DPYD: variants seen among roughly 807,000 people sequenced by gnomAD.
DPYD encodes the protein dihydropyrimidine dehydrogenase [NADP(+)].
In DPYD, 109 loss-of-function variants were observed where a neutral mutation model predicts 116.2. The observed-to-expected ratio is 0.94, with a 90% CI of 0.80 to 1.10. DPYD has a LOEUF of 1.10. DPYD is among the 50% of genes least tolerant of loss of function. DPYD has a pLI of 0.00. For synonymous variants in DPYD, 440 were observed against 432.0 expected (o/e 1.02, Z -0.23); for missense variants, 1,302 against 1,254.5 (o/e 1.04, Z -0.57).
At chr1:97,458,608 C>T (rs1204709942) in intron 13 of DPYD, among the ~76,000 whole-genome samples, 1 of 152,080 alleles carries the variant, frequency 6.6e-6, no homozygotes, top group Admixed American at 6.5e-5. Context: ...GGACTGAGCA[C>T]GTTGTTAGGT....
intron 20 of DPYD, among the ~76,000 whole-genome samples, chr1:97,139,942 T>C (rs1654091290): frequency 6.6e-6 from 1 of 152,154 alleles, no homozygotes; most frequent in South Asian, 2.1e-4. Context: ...AATGTTCTGT[T>C]TCCGCTACCT....
At chr1:97,497,594 T>C (rs1679342928) in intron 13 of DPYD, among the ~76,000 whole-genome samples, 1 of 151,828 alleles carries the variant, frequency 6.6e-6, no homozygotes, top group Non-Finnish European at 1.5e-5. Context: ...TTTCTACTTA[T>C]CAATAACACT....
intron 3 of DPYD, among the ~76,000 whole-genome samples, chr1:97,794,711 ATATTAT>A (rs766185263): frequency 1.7e-4 from 26 of 152,264 alleles, no homozygotes; most frequent in Non-Finnish European, 3.2e-4. Flanking sequence ...AACTCTTTAC[ATATTAT>A]ACTTTTCGGA....
At chr1:97,237,696 C>G (rs1662049713) in intron 18 of DPYD, among the ~76,000 whole-genome samples, 1 of 152,094 alleles carries the variant, frequency 6.6e-6, no homozygotes, top group South Asian at 2.1e-4. Flanking sequence ...TAAAGGAAAG[C>G]ATTTTTTAAG....
intron 20 of DPYD, among the ~76,000 whole-genome samples, chr1:97,183,320 A>G (rs1377654970): frequency 1.3e-5 from 2 of 152,086 alleles, no homozygotes; most frequent in Non-Finnish European, 2.9e-5. Context: ...ATTTTTTAAT[A>G]TAGGTATCCA....
At position 97,549,566 on chromosome 1, in the gene DPYD, G is replaced by A. The variant is rs201166313; in HGVS notation, c.1518C>T (p.Tyr506=). 2.6e-5 allele frequency: 42 copies of A among 1,613,762 alleles called. 1 individual carries two copies. The highest frequency in any genetic ancestry group is 2.3e-4 in the South Asian group (21 of 91,082). ...GKQASWYIHK[Y]VQSQYGASVS... is the part of the protein sequence containing the mutation. ...AATGATGGCAAATGCCTACCTGTAC[G>A]TATTTGTGAATGTACCAAGAAGCTT... The change falls in exon 12 of 23, where the codon TAC becomes TAT. Residue 506 remains tyrosine (Y), a synonymous_variant. Transcript: ENST00000370192.
chr1:97,255,591 G>A (rs1300002322), intron 18 of DPYD, among the ~76,000 whole-genome samples: 1 of 152,092 alleles, frequency 6.6e-6, no homozygotes, highest in Non-Finnish European at 1.5e-5. Context: ...CCCCAGCCAT[G>A]TGGAACTGTA....
intron 18 of DPYD, among the ~76,000 whole-genome samples, chr1:97,254,031 G>A (rs139650877): frequency 1.3e-5 from 2 of 152,066 alleles, no homozygotes; most frequent in African/African-American, 4.8e-5. Context: ...CTCTATTAAG[G>A]CTTTTATTAA....
At chr1:97,504,846 G>A (rs1414891059) in intron 13 of DPYD, among the ~76,000 whole-genome samples, 1 of 146,964 alleles carries the variant, frequency 6.8e-6, no homozygotes, top group East Asian at 2.1e-4. Context: ...GGGCCTGGTG[G>A]TCACGAGATC....
chr1:97,700,737 G>A (rs1380242257), intron 5 of DPYD, among the ~76,000 whole-genome samples: 1 of 151,866 alleles, frequency 6.6e-6, no homozygotes, highest in African/African-American at 2.4e-5. Context: ...TCTCGTAAGT[G>A]TGGTTATCAA....
chr1:97,236,555 C>T (rs985478317), intron 18 of DPYD, among the ~76,000 whole-genome samples: 17 of 151,870 alleles, frequency 1.1e-4, no homozygotes, highest in Admixed American at 2.0e-4. Flanking sequence ...TAGTAAGGAG[C>T]GAACGGGAGG....
intron 12 of DPYD, among the ~76,000 whole-genome samples, chr1:97,536,857 T>G (rs1262781962): frequency 1.3e-5 from 2 of 152,204 alleles, no homozygotes; most frequent in African/African-American, 4.8e-5. Flanking sequence ...GCTTTCCCAT[T>G]AGCTTCCTGG....
chr1:97,263,651 C>T (rs1172710948), intron 18 of DPYD, among the ~76,000 whole-genome samples: 1 of 152,154 alleles, frequency 6.6e-6, no homozygotes, highest in South Asian at 2.1e-4. Flanking sequence ...AACCTATACC[C>T]TCTATGGTGA....
chr1:97,782,554 T>A (rs556910870), intron 3 of DPYD, among the ~76,000 whole-genome samples: 26 of 152,328 alleles, frequency 1.7e-4, no homozygotes, highest in African/African-American at 4.3e-4. Context: ...ATACTCACTT[T>A]ACTTCCCATT....
chr1:97,341,339 C>G (rs185040769), intron 16 of DPYD, among the ~76,000 whole-genome samples: 1 of 152,224 alleles, frequency 6.6e-6, no homozygotes, highest in East Asian at 1.9e-4. Context: ...AATTGCAAAG[C>G]CCCTAATTTA....
At chr1:97,317,837 C>G (rs569702884) in intron 16 of DPYD, among the ~76,000 whole-genome samples, 72 of 152,012 alleles carry the variant, frequency 4.7e-4, no homozygotes, top group African/African-American at 1.5e-3. Flanking sequence ...ACTATTGAGG[C>G]AATTTTAAAT....
At chr1:97,799,347 A>T (rs1412581784) in intron 3 of DPYD, among the ~76,000 whole-genome samples, 1 of 152,012 alleles carries the variant, frequency 6.6e-6, no homozygotes, top group Non-Finnish European at 1.5e-5. Context: ...CTTGAGAAAC[A>T]CAAATGATGA....
intron 2 of DPYD, among the ~76,000 whole-genome samples, chr1:97,854,105 C>T (rs1028273258): frequency 2.3e-4 from 35 of 152,142 alleles, no homozygotes; most frequent in African/African-American, 8.2e-4. Context: ...AAAATATATA[C>T]ATAAAAAGAA....
intron 10 of DPYD, among the ~76,000 whole-genome samples, chr1:97,584,791 G>A (rs1257306763): frequency 3.5e-5 from 4 of 113,664 alleles, no homozygotes; most frequent in African/African-American, 1.4e-4. Context: ...ACACACCGGG[G>A]ACTGTTGTGG....
Sources: gnomAD v4.1 joint callset for allele counts (sites outside exome capture counted in the v4.1 genomes callset) on GRCh38, gnomAD v4.1.1 for gene constraint, MANE v1.5 for transcripts, NCBI Gene and HGNC (gene_info 2026-07-23, HGNC 2026-07-21) for gene names.